Variants in DHTKD1 observed in about 807,000 individuals in gnomAD.
The protein encoded by DHTKD1 is 2-oxoadipate dehydrogenase complex component E1.
In DHTKD1, 78 loss-of-function variants were observed where a neutral mutation model predicts 101.8. The ratio of observed to expected loss-of-function variants is 0.77; its 90% CI spans 0.64 to 0.93. The LOEUF is 0.93. Ranked by LOEUF, DHTKD1 falls within the 40% of genes least tolerant of loss-of-function variation. DHTKD1 has a pLI of 0.00. For synonymous variants in DHTKD1, 462 were observed against 450.3 expected, an observed-to-expected ratio of 1.03 and a Z score of -0.33; for missense variants, 1,223 against 1,161.7, an observed-to-expected ratio of 1.05 and a Z score of -0.77.
intron 1 of DHTKD1, among the ~76,000 whole-genome samples, chr10:12,081,199 G>A (rs1050822872): frequency 1.3e-5 from 2 of 149,562 alleles, no homozygotes; most frequent in Non-Finnish European, 3.0e-5. Flanking sequence ...GCGTGAACCT[G>A]GGAGGCAGAG....
chr10:12,091,783 CTCCTT>C (rs1243410823), intron 6 of DHTKD1, 99 bp downstream of exon 6: 3 of 903,456 alleles, frequency 3.3e-6, no homozygotes, highest in East Asian at 5.9e-5. Flanking sequence ...CTGGTTATCC[CTCCTT>C]TCATTTAATT....
intron 13 of DHTKD1, 116 bp downstream of exon 13, chr10:12,113,180 C>A (rs1217833056): frequency 9.1e-6 from 9 of 984,400 alleles, no homozygotes; most frequent in African/African-American, 1.7e-5. Context: ...TTAGTTTCAA[C>A]TGACTTTGCT....
At chr10:12,098,525 T>C (rs926961247) in intron 8 of DHTKD1, among the ~76,000 whole-genome samples, 3 of 152,194 alleles carry the variant, frequency 2.0e-5, no homozygotes, top group African/African-American at 7.2e-5. Context: ...GTCTTTTTCT[T>C]TCTTAAGCTT....
chr10:12,099,291 T>C (rs1833119999), intron 8 of DHTKD1, among the ~76,000 whole-genome samples: 1 of 152,084 alleles, frequency 6.6e-6, no homozygotes. Context: ...GGAAATAGGA[T>C]GTTATAAATA....
chr10:12,081,725 G>C, intron 2 of DHTKD1, 98 bp downstream of exon 2: 2 of 1,406,852 alleles, frequency 1.4e-6, no homozygotes, highest in Non-Finnish European at 2.0e-6. Flanking sequence ...TGGAGCTGAG[G>C]CTCCCGCAGG....
At chr10:12,120,421 C>CT in intron 16 of DHTKD1, 154 bp downstream of exon 16, 1 of 599,454 alleles carries the variant, frequency 1.7e-6, no homozygotes. Flanking sequence ...GCAAGCTCCG[C>CT]CCCCCGGGTT....
intron 5 of DHTKD1, 44 bp downstream of exon 5, chr10:12,089,299 G>A (rs1189353667): frequency 3.2e-6 from 5 of 1,583,446 alleles, no homozygotes; most frequent in South Asian, 1.1e-5. Flanking sequence ...GGGGAAAACT[G>A]GGAAGAATGT....
intron 10 of DHTKD1, among the ~76,000 whole-genome samples, chr10:12,105,491 T>C (rs1384344747): frequency 6.6e-6 from 1 of 151,978 alleles, no homozygotes; most frequent in Non-Finnish European, 1.5e-5. Flanking sequence ...AATTTTTGTC[T>C]GCTTTTTTTA....
rs970491981 is a variant in DHTKD1, at chr10:12,121,272, C to A, written c.*384C>A. 71 of 211,644 alleles carry A rather than the reference C, an allele frequency of 3.4e-4. No homozygotes were observed. The highest frequency in any genetic ancestry group is 1.6e-3 in the African/African-American group (70 of 43,454). 13.1% of individuals were successfully genotyped at this position (211,644 alleles called of 1,614,324 possible). A position where few individuals can be genotyped will look rare whatever the true frequency, so the allele number is the denominator to read the frequency against. The stretch of plus-strand genomic sequence containing the variant: ...AAGAGGCCTCCTTCCTCCACTCTCT[C>A]AACCCCTCTGTTGGGTAACATGAAA... On this transcript the variant is annotated 3_prime_UTR_variant, in exon 17 of 17. Transcript: ENST00000263035.
chr10:12,095,502 A>G (rs1833051923), intron 7 of DHTKD1, among the ~76,000 whole-genome samples: 1 of 150,138 alleles, frequency 6.7e-6, no homozygotes, highest in Non-Finnish European at 1.5e-5. Context: ...ACATGGTGAA[A>G]CCCCATCTCT....
intron 1 of DHTKD1, among the ~76,000 whole-genome samples, chr10:12,076,324 A>C (rs1228388563): frequency 6.6e-6 from 1 of 152,184 alleles, no homozygotes; most frequent in East Asian, 1.9e-4. Flanking sequence ...AAAATACAAA[A>C]AATTAGCTGG....
intron 14 of DHTKD1, among the ~76,000 whole-genome samples, chr10:12,118,095 G>A (rs1220885540): frequency 1.3e-5 from 2 of 151,510 alleles, no homozygotes; most frequent in Non-Finnish European, 1.5e-5. Flanking sequence ...TCACCATGTT[G>A]GCCAGGCTGG....
At chr10:12,105,635 A>T (rs1269955357) in intron 10 of DHTKD1, among the ~76,000 whole-genome samples, 7 of 152,148 alleles carry the variant, frequency 4.6e-5, no homozygotes, top group Non-Finnish European at 7.4e-5. Context: ...TATAAGACGC[A>T]GTTGTATACC....
At chr10:12,076,967 G>A (rs12360248) in intron 1 of DHTKD1, among the ~76,000 whole-genome samples, 63,091 of 117,650 alleles carry the variant, frequency 0.54, 16,877 homozygotes, top group South Asian at 0.74. Flanking sequence ...GCCAGACCCT[G>A]TTTCTGATAA....
intron 10 of DHTKD1, among the ~76,000 whole-genome samples, chr10:12,102,388 C>T (rs1377089964): frequency 1.4e-5 from 2 of 143,358 alleles, no homozygotes; most frequent in African/African-American, 5.2e-5. Context: ...CACACCACTG[C>T]ACTCCAGCCT....
intron 8 of DHTKD1, 128 bp downstream of exon 8, chr10:12,098,124 A>G: frequency 1.2e-6 from 1 of 856,000 alleles, no homozygotes. Flanking sequence ...TAGGTTCTAG[A>G]AACTGATCCT....
intron 1 of DHTKD1, among the ~76,000 whole-genome samples, chr10:12,074,438 C>T (rs966832729): frequency 2.0e-5 from 3 of 152,002 alleles, no homozygotes; most frequent in African/African-American, 7.2e-5. Flanking sequence ...TCACTGCAAA[C>T]TCTGCCTCCT....
In DHTKD1 at chr10:12,110,130, C is replaced by G. The variant is rs1833306478; in HGVS notation, c.2154+2115C>G. On this transcript the variant is annotated intron_variant, in intron 12 of 16. Coordinates refer to ENST00000263035, the MANE Select transcript of DHTKD1 (RefSeq NM_018706.7). The surrounding 1 kb of genome is among the most constrained non-coding windows in gnomAD (Gnocchi z 4.9). ...TGGCTAACACGGTGAAACCCTGTGT[C>G]TACTAAAAATACAAAAAATTAGCCG... 1.3e-5 allele frequency among the ~76,000 whole-genome samples: 2 copies of G among 152,120 alleles called. No homozygotes were observed. The highest frequency in any genetic ancestry group is 1.5e-5 in the Non-Finnish European group (1 of 68,030).
At chr10:12,099,793 C>CTT (rs55758504) in intron 8 of DHTKD1, among the ~76,000 whole-genome samples, 32 of 96,168 alleles carry the variant, frequency 3.3e-4, no homozygotes, top group East Asian at 8.5e-4. Context: ...AATTTCGTTG[C>CTT]TTTTTTTTTT....
Sources: allele counts gnomAD v4.1 joint callset (sites outside exome capture counted in the v4.1 genomes callset), GRCh38; gene constraint gnomAD v4.1.1; non-coding constraint Gnocchi (gnomAD v3.1); transcripts MANE v1.5; gene names NCBI Gene and HGNC (gene_info 2026-07-23, HGNC 2026-07-21).